The following MSRA variants were observed in gnomAD, a reference collection of about 807,000 sequenced individuals.
The protein encoded by MSRA is methionine sulfoxide reductase A, also known as mitochondrial peptide methionine sulfoxide reductase.
MSRA carries 54 observed loss-of-function variants against 31.3 expected under a neutral mutation model. The ratio of observed to expected loss-of-function variants is 1.73; its 90% CI spans 1.39 to 2.17. The LOEUF (loss-of-function observed/expected upper bound fraction) is 2.17. Among genes scored for constraint, MSRA ranks in the 30% most tolerant of loss-of-function variants. The pLI is 0.00. For missense variants in MSRA, 507 were observed against 300.9 expected (o/e 1.69, Z -5.07); for synonymous variants, 169 against 116.5 (o/e 1.45, Z -2.90).
chr8:10,253,157 A>C (rs1487282787), intron 3 of MSRA, among the ~76,000 whole-genome samples: 1 of 152,202 alleles, frequency 6.6e-6, no homozygotes. Context: ...CGAATGGTAA[A>C]AAGAGGCATT....
intron 5 of MSRA, among the ~76,000 whole-genome samples, chr8:10,397,184 C>T (rs924819424): frequency 6.6e-6 from 1 of 152,178 alleles, no homozygotes; most frequent in Non-Finnish European, 1.5e-5. Flanking sequence ...GTATATTTCC[C>T]TGGTCCTGTT....
At chr8:10,295,559 C>G (rs1800491133) in intron 3 of MSRA, among the ~76,000 whole-genome samples, 1 of 152,206 alleles carries the variant, frequency 6.6e-6, no homozygotes, top group Non-Finnish European at 1.5e-5. Flanking sequence ...TGCTCGGCCT[C>G]CCTCCCAAAT....
intron 3 of MSRA, among the ~76,000 whole-genome samples, chr8:10,247,857 G>T (rs1246258015): frequency 1.3e-5 from 2 of 152,198 alleles, no homozygotes; most frequent in African/African-American, 2.4e-5. Context: ...CTCTGGCACA[G>T]AAGTGGTACA....
chr8:10,077,935 T>A (rs1442025272), intron 1 of MSRA, among the ~76,000 whole-genome samples: 1 of 152,236 alleles, frequency 6.6e-6, no homozygotes, highest in Non-Finnish European at 1.5e-5. Context: ...TCACAGCATC[T>A]TATTCACCCT....
chr8:10,128,277 G>C (rs1801643330), intron 1 of MSRA, among the ~76,000 whole-genome samples: 1 of 152,012 alleles, frequency 6.6e-6, no homozygotes, highest in Admixed American at 6.6e-5. Context: ...TGCTCAGGAG[G>C]CTGAAGCAGG....
At chr8:10,251,942 C>T (rs1476815856) in intron 3 of MSRA, among the ~76,000 whole-genome samples, 2 of 152,080 alleles carry the variant, frequency 1.3e-5, no homozygotes, top group African/African-American at 4.8e-5. Flanking sequence ...AATACAACAG[C>T]TTTCAAACTG....
At chr8:10,133,554 T>G (rs1401792317) in intron 1 of MSRA, among the ~76,000 whole-genome samples, 1 of 152,224 alleles carries the variant, frequency 6.6e-6, no homozygotes, top group Non-Finnish European at 1.5e-5. Flanking sequence ...TGGGCTTTGC[T>G]GCCTACCAGC....
intron 1 of MSRA, among the ~76,000 whole-genome samples, chr8:10,152,042 A>T (rs771353384): frequency 5.0e-4 from 76 of 152,214 alleles, no homozygotes; most frequent in Non-Finnish European, 6.3e-4. Context: ...TCTTATTTCA[A>T]TGTGTACACA....
intron 2 of MSRA, among the ~76,000 whole-genome samples, chr8:10,230,064 G>A (rs1811335793): frequency 6.6e-6 from 1 of 152,230 alleles, no homozygotes; most frequent in African/African-American, 2.4e-5. Context: ...TAATTCAGCA[G>A]ATTTTTTCCA....
chr8:10,151,606 C>T (rs775427147), intron 1 of MSRA, among the ~76,000 whole-genome samples: 3 of 151,984 alleles, frequency 2.0e-5, no homozygotes, highest in Admixed American at 6.6e-5. Flanking sequence ...GCCCAGATCG[C>T]GCCACTGCAC....
intron 1 of MSRA, among the ~76,000 whole-genome samples, chr8:10,102,797 G>A (rs1021311046): frequency 6.6e-6 from 1 of 152,206 alleles, no homozygotes; most frequent in African/African-American, 2.4e-5. Flanking sequence ...AGGTGGGGGA[G>A]TAGGAGGGTA....
chr8:10,087,361 C>T (rs1798614363), intron 1 of MSRA, among the ~76,000 whole-genome samples: 1 of 152,196 alleles, frequency 6.6e-6, no homozygotes, highest in African/African-American at 2.4e-5. Context: ...GCATGTCTCT[C>T]TGTCTGTCCT....
chr8:10,375,882 G>A (rs1266042743), intron 5 of MSRA, among the ~76,000 whole-genome samples: 1 of 152,216 alleles, frequency 6.6e-6, no homozygotes, highest in Non-Finnish European at 1.5e-5. Context: ...TCTTTGCACT[G>A]GACTGGAATT....
intron 5 of MSRA, among the ~76,000 whole-genome samples, chr8:10,368,066 T>C (rs928877521): frequency 6.6e-6 from 1 of 151,798 alleles, no homozygotes; most frequent in East Asian, 1.9e-4. Context: ...AAGGAATGAG[T>C]GTCCTGCCAC....
intron 1 of MSRA, among the ~76,000 whole-genome samples, chr8:10,141,268 C>T (rs753421506): frequency 1.1e-4 from 16 of 152,182 alleles, no homozygotes; most frequent in African/African-American, 7.2e-5. Context: ...ATCCTCACAT[C>T]ACCGTCGGGA....
At chr8:10,283,942 A>C (rs1799794958) in intron 3 of MSRA, among the ~76,000 whole-genome samples, 1 of 149,528 alleles carries the variant, frequency 6.7e-6, no homozygotes, top group South Asian at 2.1e-4. Flanking sequence ...TGCAATTGTG[A>C]ATTGTGCTGC....
chr8:10,283,845 A>G (rs1799786867), intron 3 of MSRA, among the ~76,000 whole-genome samples: 1 of 122,714 alleles, frequency 8.1e-6, no homozygotes, highest in African/African-American at 3.0e-5. Flanking sequence ...ATACACACAC[A>G]CACACACACA....
At chr8:10,318,374 C>T (rs373673760) in intron 4 of MSRA, among the ~76,000 whole-genome samples, 6 of 152,190 alleles carry the variant, frequency 3.9e-5, no homozygotes, top group Admixed American at 3.9e-4. Context: ...CTCGTGACTA[C>T]TCTTACCCCT....
At chr8:10,095,979 G>A in intron 1 of MSRA, 1 of 1,396,704 alleles carries the variant, frequency 7.2e-7, no homozygotes, top group Non-Finnish European at 9.4e-7. Flanking sequence ...AATAAAGTTT[G>A]TTCATCAATA....
Sources: allele counts gnomAD v4.1 joint callset (sites outside exome capture counted in the v4.1 genomes callset), GRCh38; gene constraint gnomAD v4.1.1; transcripts MANE v1.5; gene names NCBI Gene and HGNC (gene_info 2026-07-23, HGNC 2026-07-21).